The following GRIN2B variants were observed in gnomAD, a reference collection of about 807,000 sequenced individuals.
GRIN2B encodes glutamate ionotropic receptor NMDA type subunit 2B.
Under a neutral mutation model 114.5 loss-of-function variants are expected in GRIN2B, and 5 were observed. That is an observed-to-expected ratio of 0.04 (90% CI 0.02 to 0.09). GRIN2B has a LOEUF of 0.09. Among genes scored for constraint, GRIN2B ranks in the 10% least tolerant of loss-of-function variants. The pLI is 1.00. For missense variants in GRIN2B, 1,108 were observed against 1,943.5 expected (o/e 0.57, Z 8.08); for synonymous variants, 787 against 745.1 (o/e 1.06, Z -0.92).
In GRIN2B at chr12:13,563,554, C is replaced by A. The variant is rs201339988; in HGVS notation, c.3684G>T (p.Thr1228=). ...CPSKLHNYST[T]VTGQNSGRQA... Reference sequence around the variant, plus strand: ...GCCTGCCCGAGTTCTGACCCGTCACCGTCGTGGAGTAGTTGTGCAGCTTGG... The same window carrying A: ...GCCTGCCCGAGTTCTGACCCGTCACAGTCGTGGAGTAGTTGTGCAGCTTGG... The change falls in exon 14 of 14, where the codon ACG becomes ACT. Residue 1228 remains threonine (T), a synonymous_variant. Coordinates refer to ENST00000609686, the MANE Select transcript of GRIN2B (RefSeq NM_000834.5). The A allele has an allele frequency of 1.2e-6, 2 of 1,614,142 alleles. No homozygotes were observed. Among genetic ancestry groups the A allele is most frequent in the Middle Eastern group, 1.6e-4 (1 of 6,062 alleles).
chr12:13,947,975 C>A (rs529124067), intron 2 of GRIN2B, among the ~76,000 whole-genome samples: 19 of 152,276 alleles, frequency 1.2e-4, no homozygotes, highest in African/African-American at 4.1e-4. Flanking sequence ...CTCCTCAGGA[C>A]CTCTCCATAA....
chr12:13,667,348 T>A (rs1248230881), intron 5 of GRIN2B, among the ~76,000 whole-genome samples: 3 of 152,166 alleles, frequency 2.0e-5, no homozygotes, highest in Non-Finnish European at 4.4e-5. Flanking sequence ...TCCACCAGAC[T>A]GCATATGTGT....
chr12:13,922,335 C>A (rs931721338), intron 2 of GRIN2B, among the ~76,000 whole-genome samples: 7 of 152,080 alleles, frequency 4.6e-5, no homozygotes, highest in African/African-American at 1.7e-4. Context: ...CCCGCTTCCA[C>A]AATGGAAGGT....
chr12:13,597,049 A>T (rs1443301310), intron 10 of GRIN2B, among the ~76,000 whole-genome samples: 1 of 152,246 alleles, frequency 6.6e-6, no homozygotes, highest in Non-Finnish European at 1.5e-5. Flanking sequence ...TCTCTGGATC[A>T]AATCCTGGAA....
intron 5 of GRIN2B, among the ~76,000 whole-genome samples, chr12:13,656,610 A>G (rs1949866764): frequency 6.6e-6 from 1 of 152,260 alleles, no homozygotes; most frequent in South Asian, 2.1e-4. Context: ...GAAAGAGGAC[A>G]GTGGAAAAAT....
At chr12:13,741,329 C>T (rs900669288) in intron 4 of GRIN2B, among the ~76,000 whole-genome samples, 1 of 152,186 alleles carries the variant, frequency 6.6e-6, no homozygotes. Flanking sequence ...CGCGCCCAGA[C>T]AGGAAACTCT....
intron 3 of GRIN2B, among the ~76,000 whole-genome samples, chr12:13,814,084 A>G (rs931725808): frequency 6.6e-6 from 1 of 152,244 alleles, no homozygotes; most frequent in African/African-American, 2.4e-5. Flanking sequence ...CCATAGACAA[A>G]AAGTCATCAG....
rs116612143 is a variant in GRIN2B at position 13,872,659 on chromosome 12, A to G, written c.-18-6433T>C. Reference sequence around the variant, plus strand: ...AAAAATGCAGATAACATACTTGACTAAGGGAAATATATATGATAGAAATGT... The same window carrying G: ...AAAAATGCAGATAACATACTTGACTGAGGGAAATATATATGATAGAAATGT... On this transcript the variant is annotated intron_variant, in intron 2 of 13. Coordinates refer to ENST00000609686, the MANE Select transcript of GRIN2B (RefSeq NM_000834.5). 2.3e-3 allele frequency among the ~76,000 whole-genome samples: 356 copies of G among 152,280 alleles called. 1 individual carries two copies. The highest frequency in any genetic ancestry group is 8.3e-3 in the African/African-American group (346 of 41,554).
At chr12:13,595,542 C>G (rs940902468) in intron 10 of GRIN2B, among the ~76,000 whole-genome samples, 1 of 152,178 alleles carries the variant, frequency 6.6e-6, no homozygotes, top group Non-Finnish European at 1.5e-5. Context: ...CCAAGTTGCA[C>G]CAGGTAATGG....
At chr12:13,775,863 T>C (rs548788082) in intron 3 of GRIN2B, among the ~76,000 whole-genome samples, 12 of 152,304 alleles carry the variant, frequency 7.9e-5, no homozygotes, top group Non-Finnish European at 1.5e-4. Context: ...TCTTCCCCAG[T>C]GTGGCAATTC....
intron 3 of GRIN2B, among the ~76,000 whole-genome samples, chr12:13,838,745 G>A (rs992763053): frequency 2.0e-5 from 3 of 152,220 alleles, no homozygotes; most frequent in African/African-American, 4.8e-5. Context: ...TAGGAAGGGC[G>A]AGGAAGGGGA....
rs528700325 is a variant in GRIN2B at position 13,789,889 on chromosome 12, A to C, written c.412-35974T>G. Among the ~76,000 whole-genome samples, 28 of 152,286 alleles carry C rather than the reference A, an allele frequency of 1.8e-4. No homozygotes were observed. In the South Asian group the frequency reaches 5.8e-3, roughly 32 times the overall value. On this transcript the variant is annotated intron_variant, in intron 3 of 13. Transcript: ENST00000609686. ...AATCTTTTGCTCCTCTAGCGTCTTT[A>C]CTAAAATGTGCAAGGGCCCCAGAAC...
At chr12:13,791,448 T>C (rs1864318767) in intron 3 of GRIN2B, among the ~76,000 whole-genome samples, 1 of 117,462 alleles carries the variant, frequency 8.5e-6, no homozygotes, top group Non-Finnish European at 1.9e-5. Flanking sequence ...CGAGACTCTG[T>C]CTCAAAAAAA....
At chr12:13,781,490 C>T (rs1333952882) in intron 3 of GRIN2B, among the ~76,000 whole-genome samples, 2 of 152,148 alleles carry the variant, frequency 1.3e-5, no homozygotes, top group Non-Finnish European at 2.9e-5. Flanking sequence ...CACACTGATA[C>T]ACTGATAAAC....
chr12:13,862,664 A>AAAAAC (rs1865768848), intron 3 of GRIN2B, among the ~76,000 whole-genome samples: 2 of 152,320 alleles, frequency 1.3e-5, no homozygotes, highest in South Asian at 2.1e-4. Flanking sequence ...CTTCTATTAA[A>AAAAAC]AAAACAAAAC....
chr12:13,577,460 G>A (rs1948791492), intron 10 of GRIN2B, among the ~76,000 whole-genome samples: 2 of 152,116 alleles, frequency 1.3e-5, no homozygotes, highest in Admixed American at 1.3e-4. Context: ...AGGAGTCAAG[G>A]CCCCCACCCA....
chr12:13,900,162 T>C (rs1218582884), intron 2 of GRIN2B, among the ~76,000 whole-genome samples: 2 of 152,272 alleles, frequency 1.3e-5, no homozygotes, highest in Admixed American at 6.5e-5. Flanking sequence ...TTCTTCATCA[T>C]TGTGGAATAT....
chr12:13,747,791 A>G (rs1250302347), intron 4 of GRIN2B, among the ~76,000 whole-genome samples: 2 of 152,234 alleles, frequency 1.3e-5, no homozygotes, highest in African/African-American at 2.4e-5. Flanking sequence ...CACTCATCGA[A>G]CATTTAATAA....
chr12:13,798,855 A>G (rs1314618541), intron 3 of GRIN2B, among the ~76,000 whole-genome samples: 3 of 152,238 alleles, frequency 2.0e-5, no homozygotes, highest in Non-Finnish European at 4.4e-5. Flanking sequence ...AGGGTCTGTC[A>G]TTCCAGCATT....
Sources: allele counts gnomAD v4.1 joint callset (sites outside exome capture counted in the v4.1 genomes callset), GRCh38; gene constraint gnomAD v4.1.1; transcripts MANE v1.5; gene names NCBI Gene and HGNC (gene_info 2026-07-23, HGNC 2026-07-21).